Variants in SCN7A observed in about 807,000 individuals in gnomAD.
SCN7A encodes the protein sodium channel protein type 7 subunit alpha.
A neutral mutation model predicts 155.2 loss-of-function variants in SCN7A; 138 were observed. The observed-to-expected ratio is 0.89, with a 90% CI of 0.77 to 1.02. The LOEUF is 1.02. Among genes scored for constraint, SCN7A ranks in the 50% least tolerant of loss-of-function variants. The pLI, the probability that SCN7A is intolerant of heterozygous loss-of-function variation, is 0.00. For missense variants in SCN7A, 2,058 were observed against 1,986.6 expected (o/e 1.04, Z -0.68); for synonymous variants, 693 against 649.0 (o/e 1.07, Z -1.03).
intron 17 of SCN7A, 42 bp from the exon 18 acceptor site, chr2:166,427,984 C>G: frequency 6.3e-7 from 1 of 1,591,610 alleles, no homozygotes. Context: ...CTAGAAAACT[C>G]ATGAAAAAGT....
chr2:166,443,155 A>G (rs1202749869), intron 14 of SCN7A, among the ~76,000 whole-genome samples: 2 of 152,158 alleles, frequency 1.3e-5, no homozygotes, highest in Non-Finnish European at 2.9e-5. Flanking sequence ...CCTGACATTT[A>G]GAAATACTCA....
intron 2 of SCN7A, 49 bp from the exon 3 acceptor site, chr2:166,477,759 G>C (rs528025094): frequency 7.6e-6 from 9 of 1,190,286 alleles, no homozygotes; most frequent in Middle Eastern, 2.0e-4. Flanking sequence ...AAACATAAAA[G>C]TACAAAAGAT....
chr2:166,422,468 G>T (rs971294094), intron 19 of SCN7A, among the ~76,000 whole-genome samples: 4 of 152,084 alleles, frequency 2.6e-5, no homozygotes, highest in African/African-American at 9.7e-5. Context: ...TGTAAGGAAA[G>T]ACCTTCAAAG....
At chr2:166,488,057 AG>A (rs1455028960) in intron 1 of SCN7A, among the ~76,000 whole-genome samples, 6 of 152,350 alleles carry the variant, frequency 3.9e-5, no homozygotes, top group African/African-American at 1.4e-4. Flanking sequence ...GCATAAGCAA[AG>A]ATACAGAGTT....
intron 6 of SCN7A, among the ~76,000 whole-genome samples, chr2:166,470,972 T>C (rs1032303686): frequency 2.0e-5 from 3 of 151,908 alleles, no homozygotes; most frequent in African/African-American, 7.2e-5. Flanking sequence ...TCAAATATTC[T>C]ATACTATGTT....
In SCN7A at chr2:166,414,295, T is replaced by C. The variant is rs1482074496; in HGVS notation, c.3415-1174A>G. On this transcript the variant is annotated intron_variant, in intron 21 of 25. Transcript: ENST00000643258. ...ACATATATATATATATACACACACA[T>C]ATATATATATATATATACACATATA... Among the ~76,000 whole-genome samples the C allele has an allele frequency of 1.0e-3, 94 of 92,614 alleles. 7 individuals carry two copies. The East Asian group carries it at 0.014, about 14-fold the overall frequency. 60.8% of individuals were successfully genotyped at this position (92,614 alleles called of 152,430 possible).
At position 166,434,087 on chromosome 2, in the gene SCN7A, T is replaced by G. The variant is rs545045944; in HGVS notation, c.2158-1335A>C. 6.7e-4 allele frequency among the ~76,000 whole-genome samples: 102 copies of G among 152,286 alleles called. 5 individuals are homozygous for G. The South Asian group carries it at 0.021, about 31-fold the overall frequency. ...ATGTGAGCATCTCCAAAGACTCATA[T>G]TTTGAAACTTTTTTCAAAATTTTAG... is the stretch of plus-strand genomic sequence containing the variant. On this transcript the variant is annotated intron_variant, in intron 15 of 25. Coordinates refer to ENST00000643258, the MANE Select transcript of SCN7A (RefSeq NM_002976.4).
chr2:166,455,874 C>G (rs986112207), intron 11 of SCN7A, among the ~76,000 whole-genome samples: 2 of 152,130 alleles, frequency 1.3e-5, no homozygotes, highest in Admixed American at 1.3e-4. Flanking sequence ...TTGAACCAGG[C>G]TTGCATCCCA....
At chr2:166,491,664 C>T (rs13016278) in intron 1 of SCN7A, among the ~76,000 whole-genome samples, 17,248 of 145,604 alleles carry the variant, frequency 0.12, 1,170 homozygotes, top group Middle Eastern at 0.18. Context: ...AAGGAACCAA[C>T]GCAGGAAAAG....
At chr2:166,448,395 G>A (rs1361172543) in intron 11 of SCN7A, among the ~76,000 whole-genome samples, 1 of 152,068 alleles carries the variant, frequency 6.6e-6, no homozygotes, top group Non-Finnish European at 1.5e-5. Context: ...TGGCTATTGT[G>A]AATAATACTG....
chr2:166,408,752 C>T (rs1260577420), intron 25 of SCN7A, among the ~76,000 whole-genome samples: 1 of 151,968 alleles, frequency 6.6e-6, no homozygotes, highest in Non-Finnish European at 1.5e-5. Context: ...ATATTTTCTA[C>T]TACTCAATGC....
rs79383197 is a variant in SCN7A, at chr2:166,441,028, G to A, written c.2157+368C>T. The A allele has an allele frequency of 9.2e-3, 3,092 of 335,540 alleles. 179 individuals are homozygous for A. In the East Asian group the frequency reaches 0.12, roughly 13 times the overall value. 20.8% of individuals were successfully genotyped at this position (335,540 alleles called of 1,614,324 possible). A position where few individuals can be genotyped will look rare whatever the true frequency, so the allele number is the denominator to read the frequency against. ...AAAACTTATGAGTTTTATATTTCTG[G>A]AATTTTCCACTGGATGTTTTCAGAC... is the stretch of plus-strand genomic sequence containing the variant. On this transcript the variant is annotated intron_variant, in intron 15 of 25. Transcript: ENST00000643258.
At chr2:166,452,772 G>T (rs2105456213) in intron 11 of SCN7A, among the ~76,000 whole-genome samples, 1 of 152,238 alleles carries the variant, frequency 6.6e-6, no homozygotes, top group Admixed American at 6.5e-5. Flanking sequence ...ATTCCTCAGT[G>T]TTGTGAAATC....
intron 9 of SCN7A, among the ~76,000 whole-genome samples, chr2:166,464,128 G>GTATATATACGAA (rs1559118899): frequency 6.7e-6 from 1 of 149,998 alleles, no homozygotes; most frequent in African/African-American, 2.5e-5. Context: ...GTATATATAC[G>GTATATATACGAA]TATATATACG....
chr2:166,479,305 G>T (rs1484531232), intron 2 of SCN7A, among the ~76,000 whole-genome samples: 2 of 151,996 alleles, frequency 1.3e-5, no homozygotes, highest in Non-Finnish European at 2.9e-5. Flanking sequence ...ATATTATTGG[G>T]ACACCATTCA....
chr2:166,417,327 GC>G (rs1559091302), intron 20 of SCN7A, among the ~76,000 whole-genome samples: 1 of 152,014 alleles, frequency 6.6e-6, no homozygotes, highest in Admixed American at 6.6e-5. Context: ...CAAAAAATTA[GC>G]CAGGTGTGGT....
chr2:166,416,304 G>T (rs1701375160), intron 21 of SCN7A, among the ~76,000 whole-genome samples: 1 of 152,068 alleles, frequency 6.6e-6, no homozygotes, highest in Admixed American at 6.6e-5. Flanking sequence ...TGTGATCTTT[G>T]TTCTGCTTTT....
intron 2 of SCN7A, 48 bp from the exon 3 acceptor site, chr2:166,477,758 AGT>A (rs1702834182): frequency 1.7e-6 from 2 of 1,198,010 alleles, no homozygotes; most frequent in Admixed American, 6.4e-5. Flanking sequence ...AAAACATAAA[AGT>A]ACAAAAGATT....
At chr2:166,489,011 T>C (rs1683013731) in intron 1 of SCN7A, among the ~76,000 whole-genome samples, 1 of 152,202 alleles carries the variant, frequency 6.6e-6, no homozygotes, top group South Asian at 2.1e-4. Context: ...TTGCTGAAGT[T>C]TGAGAAGTCA....
Sources: gnomAD v4.1 joint callset for allele counts (sites outside exome capture counted in the v4.1 genomes callset) on GRCh38, gnomAD v4.1.1 for gene constraint, MANE v1.5 for transcripts, NCBI Gene and HGNC (gene_info 2026-07-23, HGNC 2026-07-21) for gene names.